JARID2: variants seen among roughly 807,000 people sequenced by gnomAD.
JARID2 encodes jumonji and AT-rich interaction domain containing 2.
Under a neutral mutation model 125.6 loss-of-function variants are expected in JARID2, and 21 were observed. That is an observed-to-expected ratio of 0.17 (90% CI 0.12 to 0.24). The LOEUF is 0.24. JARID2 is among the 10% of genes least tolerant of loss of function. The pLI, the probability that JARID2 is intolerant of heterozygous loss-of-function variation, is 1.00. For missense variants in JARID2, 1,303 were observed against 1,639.6 expected, an observed-to-expected ratio of 0.79 and a Z score of 3.55; for synonymous variants, 736 against 661.6, an observed-to-expected ratio of 1.11 and a Z score of -1.73.
chr6:15,371,690 T>G (rs896879350), intron 1 of JARID2, among the ~76,000 whole-genome samples: 2 of 152,210 alleles, frequency 1.3e-5, no homozygotes, highest in Non-Finnish European at 2.9e-5. Context: ...TTTTTCTGGT[T>G]TTTAATCATT....
chr6:15,517,168 A>G lies in JARID2; in HGVS notation c.3458A>G (p.Gln1153Arg). 1 of 1,613,448 alleles carries G rather than the reference A, an allele frequency of 6.2e-7. No homozygotes were observed. The highest frequency in any genetic ancestry group is 1.1e-5 in the South Asian group (1 of 91,074). Residue 1153 changes from glutamine (Q) to arginine (R), a missense_variant, in exon 17 of 18, where the codon CAA (glutamine) becomes CGA (arginine). Gln to Arg is a conservative substitution (Grantham distance 43). Coordinates refer to ENST00000341776, the MANE Select transcript of JARID2 (RefSeq NM_004973.4). ...QHLCYLSMVV[Q>R]ENENVVFCLE... is the part of the protein sequence containing the mutation. ...TCCTGCTCTTGCTTGCAGGTGGTAC[A>G]AGAGAACGAAAACGTCGTGTTCTGT... is the stretch of plus-strand genomic sequence containing the variant.
intron 2 of JARID2, among the ~76,000 whole-genome samples, chr6:15,392,884 C>T (rs1025615451): frequency 6.6e-6 from 1 of 151,994 alleles, no homozygotes; most frequent in Non-Finnish European, 1.5e-5. Flanking sequence ...GGGGTTTCAC[C>T]ATGTTGGCCA....
At chr6:15,414,644 G>T (rs1394049149) in intron 3 of JARID2, among the ~76,000 whole-genome samples, 1 of 152,174 alleles carries the variant, frequency 6.6e-6, no homozygotes, top group African/African-American at 2.4e-5. Context: ...TTCACGGAAA[G>T]GGCAGCCCAA....
chr6:15,399,491 CTGTG>C (rs149254141), intron 2 of JARID2, among the ~76,000 whole-genome samples: 3 of 150,770 alleles, frequency 2.0e-5, no homozygotes, highest in Non-Finnish European at 3.0e-5. Context: ...TTCGTGATGT[CTGTG>C]TGTGTGTGTG....
intron 1 of JARID2, among the ~76,000 whole-genome samples, chr6:15,267,884 G>T (rs1760148632): frequency 6.6e-6 from 1 of 152,148 alleles, no homozygotes; most frequent in Non-Finnish European, 1.5e-5. Flanking sequence ...GGAGGATTTA[G>T]TAAGAAGAAA....
chr6:15,504,693 G>A lies in JARID2; in HGVS notation c.2541+101G>A, dbSNP rs532097239. ...CCCTGACCCCTGCAGCTCGGTGAAC[G>A]GAAAGGACTCAGATGGGGCTGAGTT... On this transcript the variant is annotated intron_variant, in intron 9 of 17. Transcript: ENST00000341776. 43 of 753,322 alleles carry A rather than the reference G, an allele frequency of 5.7e-5. No homozygotes were observed. The Middle Eastern group carries it at 7.4e-4, about 13-fold the overall frequency. 46.7% of individuals were successfully genotyped at this position (753,322 alleles called of 1,614,324 possible). A position where few individuals can be genotyped will look rare whatever the true frequency, so the allele number is the denominator to read the frequency against.
At chr6:15,452,640 A>G (rs971681337) in intron 4 of JARID2, among the ~76,000 whole-genome samples, 2 of 152,144 alleles carry the variant, frequency 1.3e-5, no homozygotes, top group African/African-American at 4.8e-5. Context: ...ATATTACGTT[A>G]AGGAAAACAG....
rs755051913 is a variant in JARID2 at position 15,513,331 on chromosome 6, C to T, written c.3359C>T (p.Ala1120Val). 65 of 1,612,382 alleles carry T rather than the reference C, an allele frequency of 4.0e-5. No individual in the cohort carries two copies. The highest frequency in any genetic ancestry group is 5.0e-5 in the Admixed American group (3 of 59,834). Reference sequence around the variant, plus strand: ...AGCCACGATGGCAGCAGCACGGTGGCGGACGGGAAGAAAAAGCCTCGAAAG... The same window carrying T: ...AGCCACGATGGCAGCAGCACGGTGGTGGACGGGAAGAAAAAGCCTCGAAAG... ...YGSHDGSSTV[A>V]DGKKKPRKWL... Residue 1120 changes from alanine to valine, a missense_variant, in exon 16 of 18, where the codon GCG becomes GTG. Physicochemically the swap from Ala to Val is moderately conservative, Grantham distance 64 (BLOSUM62 0). This residue lies in a region of JARID2 where 190 missense variants were observed against 341.4 expected (regional missense o/e 0.56). Transcript: ENST00000341776.
chr6:15,497,024 A>G lies in JARID2; in HGVS notation c.1799A>G (p.Lys600Arg). The G allele has an allele frequency of 3.1e-6, 5 of 1,613,636 alleles. No individual in the cohort carries two copies. The highest frequency in any genetic ancestry group is 1.3e-5 in the African/African-American group (1 of 75,056). Reference sequence around the variant, plus strand: ...CCTCCGGACTGGCGGCCCGAGTGCAAGCTCAACGATGAGATGCGGTTTGTC... The same window carrying G: ...CCTCCGGACTGGCGGCCCGAGTGCAGGCTCAACGATGAGATGCGGTTTGTC... ...IPPPDWRPEC[K>R]LNDEMRFVTQ... Residue 600 changes from lysine to arginine, a missense_variant, in exon 7 of 18, where the codon AAG (lysine) becomes AGG (arginine). Transcript: ENST00000341776.
In JARID2 at chr6:15,246,223, G is replaced by T; in HGVS notation, c.-317G>T. On this transcript the variant is annotated 5_prime_UTR_variant, in exon 1 of 18. Coordinates refer to ENST00000341776, the MANE Select transcript of JARID2 (RefSeq NM_004973.4). ...GATGTAGTTTTTGGAGGAAAAAGGG[G>T]GGGGAGTGAAGGGCGTCGGTTTTTT... 2.1e-6 allele frequency: 1 copy of T among 471,828 alleles called. No homozygotes were observed. The highest frequency in any genetic ancestry group is 3.7e-6 in the Non-Finnish European group (1 of 269,822). The allele number at this position is 471,828 out of a possible 1,614,324, so 29.2% of individuals were successfully genotyped here. A position where few individuals can be genotyped will look rare whatever the true frequency, so the allele number is the denominator to read the frequency against.
At position 15,411,651 on chromosome 6, in the gene JARID2, AAG is replaced by A. The variant is rs1765883366; in HGVS notation, c.323+1291_323+1292del. Among the ~76,000 whole-genome samples the A allele has an allele frequency of 2.0e-5, 3 of 152,340 alleles. No homozygotes were observed. The South Asian group carries it at 6.2e-4, about 32-fold the overall frequency. ...TCCAGTTTAAAGCATGAATTATCAC[AAG>A]AGAGTGATTTTAAGGATGTGTAAAA... On this transcript the variant is annotated intron_variant, in intron 3 of 17. Coordinates refer to ENST00000341776, the MANE Select transcript of JARID2 (RefSeq NM_004973.4).
intron 2 of JARID2, among the ~76,000 whole-genome samples, chr6:15,390,225 C>T (rs960438071): frequency 2.0e-5 from 3 of 152,136 alleles, no homozygotes; most frequent in Non-Finnish European, 4.4e-5. Flanking sequence ...GTGAGTGCGC[C>T]ATGGAGCTCG....
At chr6:15,442,301 A>G (rs1032904828) in intron 3 of JARID2, among the ~76,000 whole-genome samples, 2 of 152,126 alleles carry the variant, frequency 1.3e-5, no homozygotes, top group African/African-American at 4.8e-5. Flanking sequence ...CCATCGAGAG[A>G]TAGTAGAAAG....
At chr6:15,399,981 A>G (rs906495676) in intron 2 of JARID2, among the ~76,000 whole-genome samples, 2 of 152,214 alleles carry the variant, frequency 1.3e-5, no homozygotes, top group Admixed American at 6.5e-5. Flanking sequence ...TCAAAAAGCT[A>G]TAACATATGA....
intron 1 of JARID2, among the ~76,000 whole-genome samples, chr6:15,249,209 A>G (rs1187327176): frequency 1.3e-5 from 2 of 152,204 alleles, no homozygotes; most frequent in Non-Finnish European, 2.9e-5. Flanking sequence ...CGCGTTGTGG[A>G]TTTGGCCACC....
intron 1 of JARID2, chr6:15,369,238 C>A: frequency 2.9e-6 from 1 of 346,780 alleles, no homozygotes; most frequent in Non-Finnish European, 6.0e-6. Flanking sequence ...ACTTGCAATG[C>A]CAAGTTGTGG....
chr6:15,432,449 AAACAAC>A (rs35484962), intron 3 of JARID2, among the ~76,000 whole-genome samples: 51 of 145,068 alleles, frequency 3.5e-4, no homozygotes, highest in African/African-American at 6.9e-4. Context: ...TCACCTTCAA[AAACAAC>A]AACAACAACA....
intron 1 of JARID2, among the ~76,000 whole-genome samples, chr6:15,373,449 G>T (rs1764242805): frequency 4.6e-5 from 7 of 152,212 alleles, no homozygotes; most frequent in Admixed American, 4.6e-4. Context: ...GAGGTTGCCA[G>T]TTTGAAATGA....
intron 1 of JARID2, among the ~76,000 whole-genome samples, chr6:15,278,910 A>C (rs138872447): frequency 2.0e-3 from 302 of 152,252 alleles, no homozygotes; most frequent in African/African-American, 6.8e-3. Context: ...CTCTACTAAA[A>C]ATACAAAAAT....
Sources: gnomAD v4.1 joint callset for allele counts (sites outside exome capture counted in the v4.1 genomes callset) on GRCh38, gnomAD v4.1.1 for gene constraint, gnomAD v4.1.1 regional missense constraint, MANE v1.5 for transcripts, NCBI Gene and HGNC (gene_info 2026-07-23, HGNC 2026-07-21) for gene names.